XCR1: variants seen among roughly 807,000 people sequenced by gnomAD.
XCR1 encodes the protein X-C motif chemokine receptor 1.
For missense variants in XCR1, 356 were observed against 424.2 expected, an observed-to-expected ratio of 0.84 and a Z score of 1.41; for synonymous variants, 187 against 188.5, an observed-to-expected ratio of 0.99 and a Z score of 0.06.
At chr3:46,085,278 G>T (rs1698454409) in intron 1 of XCR1, among the ~76,000 whole-genome samples, 2 of 151,502 alleles carry the variant, frequency 1.3e-5, no homozygotes, top group South Asian at 4.2e-4. Flanking sequence ...CAAGAGGCAG[G>T]TACTAATGTG....
rs762868823 is a variant in XCR1 at position 46,021,333 on chromosome 3, G to A, written c.615C>T (p.Tyr205=). The A allele has an allele frequency of 9.3e-6, 15 of 1,614,114 alleles. No homozygotes were observed. Among genetic ancestry groups the A allele is most frequent in the African/African-American group, 1.3e-5 (1 of 74,940 alleles). The change falls in exon 2 of 2, where the codon TAC becomes TAT. Residue 205 remains tyrosine, a synonymous_variant. Coordinates refer to ENST00000309285, the MANE Select transcript of XCR1 (RefSeq NM_001024644.2). The surrounding 1 kb of genome is among the most constrained non-coding windows in gnomAD (Gnocchi z 4.7). Reference sequence around the variant, plus strand: ...GGAACAGGGTCCTGAGGATCTCCACGTAGCAGAACAGGATAATCCCCAGGG... The same window carrying A: ...GGAACAGGGTCCTGAGGATCTCCACATAGCAGAACAGGATAATCCCCAGGG... ...LLSLGIILFC[Y]VEILRTLFRS...
exon 2 of XCR1, among the ~76,000 whole-genome samples, chr3:46,076,824 A>G (rs934843436): frequency 6.6e-6 from 1 of 152,148 alleles, no homozygotes; most frequent in Non-Finnish European, 1.5e-5. Flanking sequence ...TTGAAGTAAT[A>G]TTGTCACTTC....
intron 1 of XCR1, among the ~76,000 whole-genome samples, chr3:46,023,144 G>A (rs1708193663): frequency 1.3e-5 from 2 of 152,182 alleles, no homozygotes; most frequent in South Asian, 4.1e-4. Context: ...CGGCGGCGCA[G>A]GGGGCGGGCC....
intron 1 of XCR1, among the ~76,000 whole-genome samples, chr3:46,078,709 T>C (rs1396960121): frequency 6.6e-6 from 1 of 152,184 alleles, no homozygotes; most frequent in Non-Finnish European, 1.5e-5. Context: ...CAATTCCTAT[T>C]AGTTCTAAAC....
At chr3:46,040,966 C>T (rs1427327912) in intron 5 of XCR1, among the ~76,000 whole-genome samples, 8 of 151,998 alleles carry the variant, frequency 5.3e-5, no homozygotes, top group Admixed American at 2.0e-4. Flanking sequence ...TTTTTTATGG[C>T]TTTTTTTGTT....
At chr3:46,079,753 T>C (rs1698325000) in intron 1 of XCR1, among the ~76,000 whole-genome samples, 1 of 152,184 alleles carries the variant, frequency 6.6e-6, no homozygotes, top group Non-Finnish European at 1.5e-5. Flanking sequence ...CCTGACCTGC[T>C]CCAAGATCCC....
At chr3:46,085,622 C>T (rs888228366) in intron 1 of XCR1, among the ~76,000 whole-genome samples, 10 of 152,226 alleles carry the variant, frequency 6.6e-5, no homozygotes, top group Admixed American at 6.5e-4. Flanking sequence ...AGGAGTCTGG[C>T]CTTGGCCTGG....
intron 5 of XCR1, among the ~76,000 whole-genome samples, chr3:46,034,723 C>T (rs1224776284): frequency 6.6e-6 from 1 of 152,144 alleles, no homozygotes; most frequent in Non-Finnish European, 1.5e-5. Context: ...TAACTAATTT[C>T]TCATAATGAA....
chr3:46,080,734 C>G (rs958558784), intron 1 of XCR1, among the ~76,000 whole-genome samples: 4 of 152,200 alleles, frequency 2.6e-5, no homozygotes, highest in Non-Finnish European at 5.9e-5. Context: ...ATAGACCAAT[C>G]TTTCCCTTAG....
chr3:46,053,773 A>C (rs1179340991), intron 5 of XCR1, among the ~76,000 whole-genome samples: 1 of 152,188 alleles, frequency 6.6e-6, no homozygotes, highest in African/African-American at 2.4e-5. Flanking sequence ...CCTGAGCACC[A>C]GTTTGTTTCA....
At chr3:46,047,469 T>C (rs190373509) in intron 5 of XCR1, among the ~76,000 whole-genome samples, 128 of 152,350 alleles carry the variant, frequency 8.4e-4, no homozygotes, top group African/African-American at 3.0e-3. Context: ...GAGCTGGTCC[T>C]TCTTAGCTGC....
At chr3:46,085,263 G>A (rs1487546914) in intron 1 of XCR1, among the ~76,000 whole-genome samples, 3 of 149,090 alleles carry the variant, frequency 2.0e-5, no homozygotes, top group Admixed American at 6.7e-5. Flanking sequence ...ATCACACCGC[G>A]AACACAAGAG....
upstream of XCR1, among the ~76,000 whole-genome samples, chr3:46,028,375 A>T (rs1708339164): frequency 6.6e-6 from 1 of 152,002 alleles, no homozygotes; most frequent in Admixed American, 6.6e-5. Flanking sequence ...TCATTTGTGT[A>T]TCTCTTTGTA....
At chr3:46,031,018 G>A (rs1026094362), upstream of XCR1, among the ~76,000 whole-genome samples, 7 of 152,260 alleles carry the variant, frequency 4.6e-5, no homozygotes, top group South Asian at 6.2e-4. Flanking sequence ...ACCACTGTGG[G>A]GAAAATGCGG....
intron 5 of XCR1, among the ~76,000 whole-genome samples, chr3:46,052,858 C>T (rs59118905): frequency 0.014 from 2,175 of 152,276 alleles, 53 homozygotes; most frequent in African/African-American, 0.048. Flanking sequence ...AGGTTTCTTG[C>T]GACCCTTGCG....
chr3:46,078,543 G>GAA (rs1698302124), intron 1 of XCR1, among the ~76,000 whole-genome samples: 1 of 152,198 alleles, frequency 6.6e-6, no homozygotes, highest in Non-Finnish European at 1.5e-5. Flanking sequence ...AAAGGGTAGG[G>GAA]GGAACAGCGT....
chr3:46,041,021 G>C (rs1697529708), intron 5 of XCR1, among the ~76,000 whole-genome samples: 1 of 152,050 alleles, frequency 6.6e-6, no homozygotes, highest in African/African-American at 2.4e-5. Context: ...AGAGTCTGCA[G>C]AATTTTTTTC....
At chr3:46,058,792 T>C (rs1172608731) in intron 4 of XCR1, among the ~76,000 whole-genome samples, 2 of 152,158 alleles carry the variant, frequency 1.3e-5, no homozygotes, top group African/African-American at 2.4e-5. Flanking sequence ...CTTGAACTCC[T>C]GAGGTCAAGG....
chr3:46,073,239 A>G (rs1368494908), intron 3 of XCR1, among the ~76,000 whole-genome samples: 1 of 152,228 alleles, frequency 6.6e-6, no homozygotes, highest in Non-Finnish European at 1.5e-5. Context: ...TCAAAAGTAC[A>G]TATGACAAAG....
Sources: gnomAD v4.1 joint callset for allele counts (sites outside exome capture counted in the v4.1 genomes callset) on GRCh38, gnomAD v4.1.1 for gene constraint, Gnocchi (gnomAD v3.1) non-coding constraint, MANE v1.5 for transcripts, NCBI Gene and HGNC (gene_info 2026-07-23, HGNC 2026-07-21) for gene names.